The following ARHGEF28 variants were observed in gnomAD, a reference collection of about 807,000 sequenced individuals.
ARHGEF28 encodes 190 kDa guanine nucleotide exchange factor.
ARHGEF28 carries 152 observed loss-of-function variants against 206.6 expected under a neutral mutation model. That is an observed-to-expected ratio of 0.74 (90% confidence interval 0.64 to 0.84). ARHGEF28 has a LOEUF of 0.84. Ranked by LOEUF, ARHGEF28 falls within the 40% of genes least tolerant of loss-of-function variation. ARHGEF28 has a pLI of 0.00. For synonymous variants in ARHGEF28, 763 were observed against 776.4 expected, an observed-to-expected ratio of 0.98 and a Z score of 0.29; for missense variants, 2,028 against 2,073.2, an observed-to-expected ratio of 0.98 and a Z score of 0.42.
chr5:73,829,531 CA>C (rs1206522827), intron 9 of ARHGEF28, among the ~76,000 whole-genome samples: 1 of 152,136 alleles, frequency 6.6e-6, no homozygotes, highest in Non-Finnish European at 1.5e-5. Context: ...AGGCGTGTGC[CA>C]CCATGCCCGG....
At chr5:73,637,214 G>A (rs1345625775) in intron 1 of ARHGEF28, among the ~76,000 whole-genome samples, 3 of 152,054 alleles carry the variant, frequency 2.0e-5, no homozygotes, top group Non-Finnish European at 2.9e-5. Context: ...TGAAATGTAT[G>A]GCCTTTTTGA....
At chr5:73,844,161 A>G (rs2112582444) in intron 11 of ARHGEF28, among the ~76,000 whole-genome samples, 1 of 152,372 alleles carries the variant, frequency 6.6e-6, no homozygotes, top group South Asian at 2.1e-4. Flanking sequence ...ATTTGAATGA[A>G]TAGAAACAAT....
intron 9 of ARHGEF28, among the ~76,000 whole-genome samples, chr5:73,829,479 A>C (rs751814052): frequency 2.5e-4 from 38 of 152,164 alleles, no homozygotes; most frequent in Non-Finnish European, 3.4e-4. Flanking sequence ...CTCTGGGTTC[A>C]AGCAATTCTC....
intron 24 of ARHGEF28, 146 bp downstream of exon 24, chr5:73,884,030 A>G (rs1406905630): frequency 2.2e-6 from 1 of 455,872 alleles, no homozygotes. Context: ...TAGAATTTGG[A>G]TTAGTTTTTA....
At chr5:73,713,141 A>G (rs1156681426) in intron 2 of ARHGEF28, among the ~76,000 whole-genome samples, 1 of 152,188 alleles carries the variant, frequency 6.6e-6, no homozygotes, top group Non-Finnish European at 1.5e-5. Flanking sequence ...CTAATTGTGA[A>G]AAAATTTTAA....
chr5:73,716,226 T>G (rs1749574408), intron 2 of ARHGEF28, among the ~76,000 whole-genome samples: 1 of 152,222 alleles, frequency 6.6e-6, no homozygotes, highest in Admixed American at 6.5e-5. Context: ...TGAGAATTAT[T>G]GTTTTTTGTG....
Position 73,867,924 on chromosome 5 carries a change from C to T in ARHGEF28, c.2201C>T (p.Ser734Phe). ...CAGCCTGGTCTCTCCTTGCACCCTT[C>T]TTCCTCCGTGCCTGTTGGATTGCCG... Reference protein sequence around the residue: ...IPQPGLSLHPSSSVPVGLPTG... With the variant: ...IPQPGLSLHPFSSVPVGLPTG... Residue 734 changes from serine (S) to phenylalanine (F), a missense_variant, in exon 19 of 36, where the codon TCT becomes TTT. Physicochemically the swap from Ser to Phe is radical, Grantham distance 155. This residue lies in a region of ARHGEF28 where 1,002 missense variants were observed against 1,015.3 expected (regional missense o/e 0.99). Coordinates refer to ENST00000513042, the MANE Select transcript of ARHGEF28 (RefSeq NM_001177693.2). 1.9e-6 allele frequency: 3 copies of T among 1,614,058 alleles called. No individual in the cohort carries two copies. Among genetic ancestry groups the T allele is most frequent in the Non-Finnish European group, 2.5e-6 (3 of 1,179,886 alleles).
chr5:73,916,314 G>T (rs1377630943), intron 35 of ARHGEF28, among the ~76,000 whole-genome samples: 1 of 152,124 alleles, frequency 6.6e-6, no homozygotes, highest in Non-Finnish European at 1.5e-5. Flanking sequence ...ATTGAAACTG[G>T]TATTAGACAC....
chr5:73,716,369 A>C (rs1035978254), intron 2 of ARHGEF28, among the ~76,000 whole-genome samples: 1 of 152,252 alleles, frequency 6.6e-6, no homozygotes, highest in African/African-American at 2.4e-5. Flanking sequence ...TTCTATTAAC[A>C]GTAGGTTTCT....
At position 73,877,232 on chromosome 5, in the gene ARHGEF28, G is replaced by A. The variant is rs753004517; in HGVS notation, c.2814+3986G>A. ...ATAGAGGTGTTTGTAGTATTCTCTG[G>A]TGGTAGTTTGTATTTCTGTGGGATC... On this transcript the variant is annotated intron_variant, in intron 22 of 35. Coordinates refer to ENST00000513042, the MANE Select transcript of ARHGEF28 (RefSeq NM_001177693.2). Among the ~76,000 whole-genome samples the A allele has an allele frequency of 8.4e-3, 1,277 of 151,460 alleles. 12 individuals carry two copies. The highest frequency in any genetic ancestry group is 0.054 in the Middle Eastern group (16 of 294).
chr5:73,911,138 A>T, intron 34 of ARHGEF28, 137 bp from the exon 35 acceptor site: 1 of 844,928 alleles, frequency 1.2e-6, no homozygotes, highest in African/African-American at 1.7e-5. Flanking sequence ...GGGAGAGGGG[A>T]GGGAGAAAAG....
At position 73,886,038 on chromosome 5, in the gene ARHGEF28, A is replaced by C. The variant is rs760859891; in HGVS notation, c.3244A>C (p.Ser1082Arg). Residue 1082 changes from serine (S) to arginine (R), a missense_variant, in exon 25 of 36, where the codon AGT (serine) becomes CGT (arginine). This residue lies in a region of ARHGEF28 where 803 missense variants were observed against 768.0 expected (regional missense o/e 1.05). Transcript: ENST00000513042. ...GHVFRKQALM[S>R]EERTLLYDGL... The stretch of plus-strand genomic sequence containing the variant: ...TGTGTTTAGGAAGCAGGCACTGATG[A>C]GTGAAGAAAGGACTCTGTTATATGA... 2.5e-6 allele frequency: 4 copies of C among 1,613,854 alleles called. No individual in the cohort carries two copies. Among genetic ancestry groups the C allele is most frequent in the Non-Finnish European group, 8.5e-7 (1 of 1,179,878 alleles).
At chr5:73,701,496 A>T (rs1748596651) in intron 2 of ARHGEF28, among the ~76,000 whole-genome samples, 1 of 152,120 alleles carries the variant, frequency 6.6e-6, no homozygotes, top group Non-Finnish European at 1.5e-5. Context: ...GTCTTTAGTT[A>T]AAAATGGGGG....
chr5:73,756,075 C>T (rs1752295178), intron 4 of ARHGEF28, among the ~76,000 whole-genome samples: 1 of 152,128 alleles, frequency 6.6e-6, no homozygotes, highest in Non-Finnish European at 1.5e-5. Context: ...GGCTGTGAGA[C>T]TTGGGCAAGG....
intron 2 of ARHGEF28, among the ~76,000 whole-genome samples, chr5:73,690,510 A>T (rs1344168714): frequency 6.8e-6 from 1 of 146,616 alleles, no homozygotes; most frequent in Non-Finnish European, 1.5e-5. Context: ...TCAACATTGT[A>T]AGACTCTGTC....
rs1762759079 is a variant in ARHGEF28, at chr5:73,909,602, A to C, written c.4352A>C (p.Gln1451Pro). 2.6e-6 allele frequency: 4 copies of C among 1,554,926 alleles called. No individual in the cohort carries two copies. The highest frequency in any genetic ancestry group is 3.9e-5 in the Admixed American group (2 of 51,296). ...CTTCAGCACCAGCTCCAGCAGGAGCAGCGGCGCTGGCTGCGCAGGTGTGAG... is the reference window on the plus strand; with the variant it reads ...CTTCAGCACCAGCTCCAGCAGGAGCCGCGGCGCTGGCTGCGCAGGTGTGAG... Reference protein sequence around the residue: ...HQLQHQLQQEQRRWLRRCEQQ... With the variant: ...HQLQHQLQQEPRRWLRRCEQQ... Residue 1451 changes from glutamine to proline, a missense_variant, in exon 34 of 36, where the codon CAG (glutamine) becomes CCG (proline). Physicochemically the swap from Gln to Pro is moderately conservative, Grantham distance 76 (BLOSUM62 -1). Transcript: ENST00000513042.
intron 4 of ARHGEF28, 120 bp downstream of exon 4, chr5:73,753,322 C>G: frequency 8.9e-7 from 1 of 1,121,486 alleles, no homozygotes; most frequent in East Asian, 2.8e-5. Context: ...CTGAACCTTG[C>G]TCTGATGTGG....
intron 10 of ARHGEF28, 67 bp from the exon 11 acceptor site, chr5:73,840,413 T>G: frequency 6.6e-7 from 1 of 1,509,850 alleles, no homozygotes; most frequent in East Asian, 2.3e-5. Flanking sequence ...GGGAAAATTT[T>G]ATTAATTCTT....
Position 73,926,992 on chromosome 5 carries a change from G to A in ARHGEF28, c.4949-13852G>A, listed in dbSNP as rs996834278. Among the ~76,000 whole-genome samples the A allele has an allele frequency of 1.1e-4, 16 of 152,272 alleles. 1 individual carries two copies. In the East Asian group the frequency reaches 2.9e-3, roughly 28 times the overall value. On this transcript the variant is annotated intron_variant, in intron 35 of 35. Transcript: ENST00000513042. Reference sequence around the variant, plus strand: ...AAAGAGGAGTTAATTACATGGTAATGCCATAGCTCCTTCTTAAGAGGAGGC... The same window carrying A: ...AAAGAGGAGTTAATTACATGGTAATACCATAGCTCCTTCTTAAGAGGAGGC...
Sources: allele counts gnomAD v4.1 joint callset (sites outside exome capture counted in the v4.1 genomes callset), GRCh38; gene constraint gnomAD v4.1.1; regional missense constraint gnomAD v4.1.1; transcripts MANE v1.5; gene names NCBI Gene and HGNC (gene_info 2026-07-23, HGNC 2026-07-21).